The following SLAIN1 variants were observed in gnomAD, a reference collection of about 807,000 sequenced individuals.
SLAIN1 encodes SLAIN family member 1.
Under a neutral mutation model 55.4 loss-of-function variants are expected in SLAIN1, and 17 were observed. The observed-to-expected ratio is 0.31, with a 90% CI of 0.21 to 0.46. The LOEUF is 0.46. SLAIN1 is among the 20% of genes least tolerant of loss of function. SLAIN1 has a pLI of 1.00. For missense variants in SLAIN1, 682 were observed against 785.1 expected (o/e 0.87, Z 1.57); for synonymous variants, 348 against 337.4 (o/e 1.03, Z -0.35).
chr13:77,751,266 A>G (rs180981464), intron 4 of SLAIN1, among the ~76,000 whole-genome samples: 79 of 152,262 alleles, frequency 5.2e-4, no homozygotes, highest in Non-Finnish European at 9.7e-4. Flanking sequence ...ATGATTTATG[A>G]TCTTCCATGG....
chr13:77,719,769 T>C, intron 2 of SLAIN1, 98 bp downstream of exon 2: 2 of 1,408,632 alleles, frequency 1.4e-6, no homozygotes, highest in Non-Finnish European at 2.0e-6. Flanking sequence ...TTGAAAATTC[T>C]TACCCTGAGG....
At chr13:77,751,623 A>G (rs60594916) in intron 4 of SLAIN1, among the ~76,000 whole-genome samples, 3,501 of 152,288 alleles carry the variant, frequency 0.023, 144 homozygotes, top group African/African-American at 0.08. Context: ...CACAGGTATG[A>G]GAGAGTTCAC....
chr13:77,734,599 A>G (rs924206513), intron 2 of SLAIN1, among the ~76,000 whole-genome samples: 3 of 152,170 alleles, frequency 2.0e-5, no homozygotes, highest in African/African-American at 7.2e-5. Context: ...AGGTAGATAC[A>G]GTGTAAGAAG....
Position 77,764,112 on chromosome 13 carries a change from A to G in SLAIN1, c.*892A>G, listed in dbSNP as rs1875274573. On this transcript the variant is annotated 3_prime_UTR_variant, in exon 7 of 7. Transcript: ENST00000418532. ...TAAAGCAAATAAATCTTTTTGATAG[A>G]CCTTTTACAAAATCCATTTGCACTA... is the stretch of plus-strand genomic sequence containing the variant. 1 of 152,602 alleles carries G rather than the reference A, an allele frequency of 6.6e-6. No individual in the cohort carries two copies. Among genetic ancestry groups the G allele is most frequent in the South Asian group, 2.1e-4 (1 of 4,832 alleles). 9.5% of individuals were successfully genotyped at this position (152,602 alleles called of 1,614,324 possible). A position where few individuals can be genotyped will look rare whatever the true frequency, so the allele number is the denominator to read the frequency against.
In SLAIN1 at chr13:77,753,307, G is replaced by T. The variant is rs1352624607; in HGVS notation, c.1363G>T (p.Asp455Tyr). 1 of 1,612,230 alleles carries T rather than the reference G, an allele frequency of 6.2e-7. No homozygotes were observed. Residue 455 changes from aspartate to tyrosine, a missense_variant, in exon 5 of 7, where the codon GAC becomes TAC. This residue lies in a region of SLAIN1 where 244 missense variants were observed against 295.2 expected (regional missense o/e 0.83). Transcript: ENST00000418532. ...PVTVRNSQSFDSSLHGAGNGI... is the reference protein window; with the variant it reads ...PVTVRNSQSFYSSLHGAGNGI... ...CACCGTGCGAAATAGTCAGAGTTTT[G>T]ACTCAAGCTTGCATGGAGCTGGAAA...
At chr13:77,743,596 C>A (rs78090421) in intron 2 of SLAIN1, 4,598 of 152,784 alleles carry the variant, frequency 0.03, 231 homozygotes, top group African/African-American at 0.11. Context: ...TCACCATTTT[C>A]TTATTTTTCT....
At chr13:77,701,595 T>G (rs1015511214) in intron 1 of SLAIN1, among the ~76,000 whole-genome samples, 2 of 152,162 alleles carry the variant, frequency 1.3e-5, no homozygotes, top group African/African-American at 4.8e-5. Flanking sequence ...AACAATTTTC[T>G]TATTTCTTTG....
Position 77,719,561 on chromosome 13 carries a change from C to T in SLAIN1, c.656C>T (p.Thr219Ile), listed in dbSNP as rs779298958. 3 of 1,613,148 alleles carry T rather than the reference C, an allele frequency of 1.9e-6. No homozygotes were observed. Among genetic ancestry groups the T allele is most frequent in the South Asian group, 2.2e-5 (2 of 91,046 alleles). The change falls in exon 2 of 7, where the codon ACC becomes ATC. Residue 219 changes from threonine (T) to isoleucine (I), a missense_variant. Thr to Ile is a moderately conservative substitution (Grantham distance 89). This residue lies in a region of SLAIN1 where 401 missense variants were observed against 417.3 expected (regional missense o/e 0.96). Transcript: ENST00000418532. ...WLYIGSSKTF[T>I]SSEKSLTPLQ... ...TACATTGGCTCTTCAAAGACGTTCA[C>T]CTCATCAGAGAAATCCCTGACTCCT...
At chr13:77,734,612 G>A (rs542031124) in intron 2 of SLAIN1, among the ~76,000 whole-genome samples, 40 of 152,188 alleles carry the variant, frequency 2.6e-4, no homozygotes, top group African/African-American at 9.4e-4. Context: ...GTAAGAAGCC[G>A]GCCCATTGTT....
At chr13:77,755,731 G>A (rs1279677) in intron 5 of SLAIN1, among the ~76,000 whole-genome samples, 8,010 of 152,212 alleles carry the variant, frequency 0.053, 263 homozygotes, top group Middle Eastern at 0.075. Context: ...CAATTCATGC[G>A]TGTAAAAGCA....
intron 4 of SLAIN1, 146 bp downstream of exon 4, chr13:77,747,001 A>G: frequency 2.9e-6 from 2 of 689,746 alleles, no homozygotes; most frequent in South Asian, 2.0e-5. Flanking sequence ...ATCTCAGCTC[A>G]CTGCAACCTC....
intron 4 of SLAIN1, 41 bp from the exon 5 acceptor site, chr13:77,753,162 A>T: frequency 6.5e-7 from 1 of 1,532,752 alleles, no homozygotes; most frequent in Non-Finnish European, 8.8e-7. Flanking sequence ...CTTTGGTTGC[A>T]TAACATCTGT....
At chr13:77,752,671 C>T (rs1194978821) in intron 4 of SLAIN1, among the ~76,000 whole-genome samples, 4 of 152,184 alleles carry the variant, frequency 2.6e-5, no homozygotes, top group East Asian at 1.9e-4. Context: ...GTGCAGCCTT[C>T]AGTCTGTGGC....
At chr13:77,756,401 A>G (rs1164501905) in intron 5 of SLAIN1, among the ~76,000 whole-genome samples, 2 of 152,080 alleles carry the variant, frequency 1.3e-5, no homozygotes, top group Admixed American at 6.6e-5. Flanking sequence ...GTAGCTTTCT[A>G]TATAGAGGTT....
intron 6 of SLAIN1, among the ~76,000 whole-genome samples, chr13:77,762,208 C>T (rs1594303369): frequency 1.3e-5 from 2 of 152,250 alleles, no homozygotes; most frequent in East Asian, 3.9e-4. Context: ...AAATGCAGAG[C>T]TGTGTCATCA....
At position 77,698,420 on chromosome 13, in the gene SLAIN1, G is replaced by A. The variant is rs1389671009; in HGVS notation, c.507G>A (p.Ala169=). ...GTGGCGGGCCGGAGCCGGGGGGCGCGGGGACGCCGCCAGGGGCAGCTGCAG... is the reference window on the plus strand; with the variant it reads ...GTGGCGGGCCGGAGCCGGGGGGCGCAGGGACGCCGCCAGGGGCAGCTGCAG... ...AGGGGPEPGG[A]GTPPGAAAAP... The change falls in exon 1 of 7, where the codon GCG becomes GCA. Residue 169 remains alanine, a synonymous_variant. Transcript: ENST00000418532. The surrounding 1 kb of genome is among the most constrained non-coding windows in gnomAD (Gnocchi z 4.1). 2 of 1,393,742 alleles carry A rather than the reference G, an allele frequency of 1.4e-6. No individual in the cohort carries two copies. The highest frequency in any genetic ancestry group is 1.9e-6 in the Non-Finnish European group (2 of 1,079,206). The allele number at this position is 1,393,742 out of a possible 1,614,324, so 86.3% of individuals were successfully genotyped here. A position where few individuals can be genotyped will look rare whatever the true frequency, so the allele number is the denominator to read the frequency against.
At chr13:77,751,909 G>A (rs182878131) in intron 4 of SLAIN1, among the ~76,000 whole-genome samples, 2 of 152,210 alleles carry the variant, frequency 1.3e-5, no homozygotes, top group Admixed American at 1.3e-4. Flanking sequence ...ACCTGACATA[G>A]GTACTTTAGT....
At chr13:77,735,815 G>A (rs77179800) in intron 2 of SLAIN1, among the ~76,000 whole-genome samples, 8,377 of 152,034 alleles carry the variant, frequency 0.055, 307 homozygotes, top group South Asian at 0.11. Context: ...TCTCATTTTG[G>A]ACACAGCCTT....
chr13:77,744,741 T>A (rs1269585239), intron 3 of SLAIN1, among the ~76,000 whole-genome samples: 1 of 152,100 alleles, frequency 6.6e-6, no homozygotes, highest in Non-Finnish European at 1.5e-5. Context: ...TCTTGGATAT[T>A]TATCCCAGAA....
Sources: allele counts gnomAD v4.1 joint callset (sites outside exome capture counted in the v4.1 genomes callset), GRCh38; gene constraint gnomAD v4.1.1; regional missense constraint gnomAD v4.1.1; non-coding constraint Gnocchi (gnomAD v3.1); transcripts MANE v1.5; gene names NCBI Gene and HGNC (gene_info 2026-07-23, HGNC 2026-07-21).